The following CR1 variants were observed in gnomAD, a reference collection of about 807,000 sequenced individuals.
The protein encoded by CR1 is complement receptor type 1.
Under a neutral mutation model 187.3 loss-of-function variants are expected in CR1, and 116 were observed. That is an observed-to-expected ratio of 0.62 (90% CI 0.53 to 0.72). CR1 has a LOEUF of 0.72. CR1 is among the 30% of genes least tolerant of loss of function. The probability of loss-of-function intolerance (pLI) is 0.00; values close to 1 mark genes in which losing one functional copy is unlikely to be tolerated. For missense variants in CR1, 1,731 were observed against 2,110.7 expected (o/e 0.82, Z 3.52); for synonymous variants, 576 against 747.1 (o/e 0.77, Z 3.73).
At chr1:207,501,785 T>G (rs1245490971) in intron 1 of CR1, among the ~76,000 whole-genome samples, 1 of 152,244 alleles carries the variant, frequency 6.6e-6, no homozygotes, top group Non-Finnish European at 1.5e-5. Context: ...CGCTAGGCAC[T>G]TCACATGGAA....
intron 28 of CR1, among the ~76,000 whole-genome samples, chr1:207,576,751 T>G (rs1660757945): frequency 6.6e-6 from 1 of 151,574 alleles, no homozygotes; most frequent in Admixed American, 6.6e-5. Flanking sequence ...GCCAGAGAGG[T>G]CGAGGCTGCA....
intron 3 of CR1, among the ~76,000 whole-genome samples, chr1:207,511,049 T>C (rs1393131910): frequency 6.6e-6 from 1 of 152,092 alleles, no homozygotes; most frequent in Non-Finnish European, 1.5e-5. Context: ...CTCGAACTCC[T>C]GAGCTCAAGC....
Position 207,641,422 on chromosome 1 carries a change from A to C in CR1, c.*2013A>C, listed in dbSNP as rs570224165. 17 of 152,306 alleles carry C rather than the reference A, an allele frequency of 1.1e-4. No homozygotes were observed. Among genetic ancestry groups the C allele is most frequent in the Admixed American group, 1.1e-3 (17 of 15,294 alleles). The allele number at this position is 152,306 out of a possible 1,614,324, so 9.4% of individuals were successfully genotyped here. ...AGTGGTGCTATCTAGGCTTACTGCAACCTCACCTGTCACTTTTTAATTGCA... is the reference window on the plus strand; with the variant it reads ...AGTGGTGCTATCTAGGCTTACTGCACCCTCACCTGTCACTTTTTAATTGCA... On this transcript the variant is annotated 3_prime_UTR_variant, in exon 47 of 47. Coordinates refer to ENST00000367049, the MANE Select transcript of CR1 (RefSeq NM_000651.6).
chr1:207,633,791 T>G (rs191527863), intron 46 of CR1, among the ~76,000 whole-genome samples: 2 of 152,330 alleles, frequency 1.3e-5, no homozygotes, highest in East Asian at 3.9e-4. Context: ...ACAGGCTTTG[T>G]GTGAGCAACA....
intron 35 of CR1, among the ~76,000 whole-genome samples, chr1:207,602,092 C>T (rs1456892145): frequency 6.6e-6 from 1 of 152,022 alleles, no homozygotes; most frequent in African/African-American, 2.4e-5. Flanking sequence ...GCACAGCCCA[C>T]ATTCAAAAAG....
chr1:207,625,574 A>T (rs1292244112), intron 45 of CR1, among the ~76,000 whole-genome samples: 1 of 152,268 alleles, frequency 6.6e-6, no homozygotes, highest in Non-Finnish European at 1.5e-5. Flanking sequence ...AAAGAAAGAG[A>T]TGAATTAATA....
chr1:207,596,004 TAAG>T (rs1021910708), intron 35 of CR1, among the ~76,000 whole-genome samples: 8 of 149,252 alleles, frequency 5.4e-5, no homozygotes, highest in East Asian at 3.9e-4. Flanking sequence ...ACATAAAAAA[TAAG>T]GAGAAAATGG....
chr1:207,496,424 G>T (rs748631518), intron 1 of CR1, 36 bp downstream of exon 1: 15 of 1,573,998 alleles, frequency 9.5e-6, no homozygotes, highest in African/African-American at 5.4e-5. Flanking sequence ...GCGCCCGGGC[G>T]GACGAGGAAC....
intron 4 of CR1, among the ~76,000 whole-genome samples, chr1:207,513,855 C>G (rs974538904): frequency 6.6e-5 from 10 of 151,096 alleles, no homozygotes; most frequent in African/African-American, 2.4e-4. Flanking sequence ...CTAGGACCAC[C>G]AGTATAACAT....
At chr1:207,637,912 G>A (rs918654367) in intron 46 of CR1, among the ~76,000 whole-genome samples, 2 of 152,088 alleles carry the variant, frequency 1.3e-5, no homozygotes, top group African/African-American at 4.8e-5. Flanking sequence ...TCTCCCCCAC[G>A]TCACCACCTT....
At chr1:207,507,671 G>A (rs1175941870) in intron 3 of CR1, 1 of 152,176 alleles carries the variant, frequency 6.6e-6, no homozygotes, top group Non-Finnish European at 1.5e-5. Flanking sequence ...TTCATTGCTG[G>A]TAGGAATGCA....
Position 207,498,327 on chromosome 1 carries a change from G to T in CR1, c.121+1939G>T, listed in dbSNP as rs567846174. Among the ~76,000 whole-genome samples the T allele has an allele frequency of 5.1e-4, 78 of 152,278 alleles. 1 individual carries two copies. Among genetic ancestry groups the T allele is most frequent in the African/African-American group, 1.9e-3 (78 of 41,528 alleles). On this transcript the variant is annotated intron_variant, in intron 1 of 46. Transcript: ENST00000367049. Reference sequence around the variant, plus strand: ...GGAAAGGATGAGTGAAAGGTATATGGCTTTACTAGCACTTAAAGAGTGAAT... The same window carrying T: ...GGAAAGGATGAGTGAAAGGTATATGTCTTTACTAGCACTTAAAGAGTGAAT...
At position 207,625,115 on chromosome 1, in the gene CR1, C is replaced by T. The variant is rs74153334; in HGVS notation, c.7352+2047C>T. On this transcript the variant is annotated intron_variant, in intron 45 of 46. Transcript: ENST00000367049. ...TAAGATCATTTCCTCATATTAATCA[C>T]CTTCAGGCATAAACATGACTCAATA... Among the ~76,000 whole-genome samples the T allele has an allele frequency of 2.4e-4, 37 of 152,296 alleles. No individual in the cohort carries two copies. In the South Asian group the frequency reaches 4.6e-3, roughly 19 times the overall value.
intron 37 of CR1, among the ~76,000 whole-genome samples, chr1:207,610,943 A>G (rs1476152262): frequency 6.6e-6 from 1 of 152,028 alleles, no homozygotes; most frequent in Non-Finnish European, 1.5e-5. Context: ...AAATAATCCA[A>G]TTACACTCTT....
chr1:207,615,203 G>T (rs1009139500), intron 40 of CR1, among the ~76,000 whole-genome samples: 3 of 152,136 alleles, frequency 2.0e-5, no homozygotes, highest in African/African-American at 7.2e-5. Flanking sequence ...GGCTTCCCAT[G>T]TGCCAGGACT....
chr1:207,629,894 C>T (rs1006007884), intron 45 of CR1, among the ~76,000 whole-genome samples: 8 of 152,186 alleles, frequency 5.3e-5, no homozygotes, highest in South Asian at 4.1e-4. Flanking sequence ...TTTTCCTTGC[C>T]TGTGAAATGG....
rs1295283903 is a variant in CR1, at chr1:207,575,678, A to G, written c.4535A>G (p.Gln1512Arg). Residue 1512 changes from glutamine to arginine, a missense_variant and splice_region_variant, in exon 28 of 47, where the codon CAA becomes CGA. Around this residue, in one of 5 missense-constraint regions of CR1, gnomAD observed 1,312 missense variants for 1,379.6 expected, o/e 0.95. Coordinates refer to ENST00000367049, the MANE Select transcript of CR1 (RefSeq NM_000651.6). Reference protein sequence around the residue: ...AHWSTKPPICQRIPCGLPPTI... With the variant: ...AHWSTKPPICRRIPCGLPPTI... ...TGGAGCACGAAGCCGCCAATTTGTC[A>G]ACGTGAGTTGAAATCTCTTTCCCCA... 2.5e-6 allele frequency: 4 copies of G among 1,611,812 alleles called. No individual in the cohort carries two copies. The highest frequency in any genetic ancestry group is 3.4e-6 in the Non-Finnish European group (4 of 1,179,676).
intron 45 of CR1, among the ~76,000 whole-genome samples, chr1:207,627,620 A>C (rs1662521690): frequency 6.6e-6 from 1 of 152,186 alleles, no homozygotes; most frequent in Admixed American, 6.5e-5. Context: ...TGGATTCAAT[A>C]AGCATTTAAG....
chr1:207,589,827 G>T (rs1163870391), intron 35 of CR1, among the ~76,000 whole-genome samples: 2 of 152,144 alleles, frequency 1.3e-5, no homozygotes, highest in African/African-American at 4.8e-5. Context: ...GCATACACAA[G>T]TATCAATAGC....
Sources: allele counts gnomAD v4.1 joint callset (sites outside exome capture counted in the v4.1 genomes callset), GRCh38; gene constraint gnomAD v4.1.1; regional missense constraint gnomAD v4.1.1; transcripts MANE v1.5; gene names NCBI Gene and HGNC (gene_info 2026-07-23, HGNC 2026-07-21).